NDUFA10: variants seen among roughly 807,000 people sequenced by gnomAD.
NDUFA10 encodes NADH dehydrogenase [ubiquinone] 1 alpha subcomplex subunit 10, mitochondrial.
In NDUFA10, 40 loss-of-function variants were observed where a neutral mutation model predicts 47.8. The observed-to-expected ratio is 0.84, with a 90% CI of 0.65 to 1.09. The LOEUF is 1.09. Ranked by LOEUF, NDUFA10 falls within the 50% of genes least tolerant of loss-of-function variation. NDUFA10 has a pLI of 0.00. For synonymous variants in NDUFA10, 183 were observed against 172.2 expected, an observed-to-expected ratio of 1.06 and a Z score of -0.49; for missense variants, 413 against 451.1, an observed-to-expected ratio of 0.92 and a Z score of 0.76.
intron 4 of NDUFA10, among the ~76,000 whole-genome samples, chr2:239,951,896 G>A (rs1694560058): frequency 6.6e-6 from 1 of 152,242 alleles, no homozygotes; most frequent in African/African-American, 2.4e-5. Flanking sequence ...AGGAACACGA[G>A]GGCCCTGCTG....
At chr2:239,961,223 C>T (rs1694841728) in intron 9 of NDUFA10, 37 bp from the exon 10 acceptor site, 7 of 1,613,844 alleles carry the variant, frequency 4.3e-6, no homozygotes, top group East Asian at 4.5e-5. Flanking sequence ...TTCTGTTTAA[C>T]GTGAATGAAT....
intron 9 of NDUFA10, among the ~76,000 whole-genome samples, chr2:239,972,147 G>A (rs1429437136): frequency 1.8e-5 from 2 of 114,246 alleles, no homozygotes; most frequent in East Asian, 4.0e-4. Flanking sequence ...ATGTGTGTGT[G>A]TGTGTGTGTG....
chr2:239,898,153 G>T (rs1693434301), intron 4 of NDUFA10, among the ~76,000 whole-genome samples: 1 of 152,202 alleles, frequency 6.6e-6, no homozygotes, highest in African/African-American at 2.4e-5. Flanking sequence ...ATGGAGTCAG[G>T]ACTGTTCAGG....
chr2:239,941,384 A>G (rs1694358767), intron 4 of NDUFA10, among the ~76,000 whole-genome samples: 1 of 152,158 alleles, frequency 6.6e-6, no homozygotes, highest in Non-Finnish European at 1.5e-5. Context: ...GGGGCACAGA[A>G]CTGCGGCTGT....
rs575792582 is a variant in NDUFA10 at position 240,010,716 on chromosome 2, C to T, written c.749+901G>A. Reference sequence around the variant, plus strand: ...TACAGAAAAAACTCCCTGAATAGAACATTTCTCTTATTCACTTTTGATTTT... The same window carrying T: ...TACAGAAAAAACTCCCTGAATAGAATATTTCTCTTATTCACTTTTGATTTT... On this transcript the variant is annotated intron_variant, in intron 6 of 9. Transcript: ENST00000252711. Among the ~76,000 whole-genome samples, 31 of 152,190 alleles carry T rather than the reference C, an allele frequency of 2.0e-4. No individual in the cohort carries two copies. In the South Asian group the frequency reaches 5.8e-3, roughly 28 times the overall value.
intron 4 of NDUFA10, among the ~76,000 whole-genome samples, chr2:239,902,877 C>G (rs910647025): frequency 1.3e-5 from 2 of 151,850 alleles, no homozygotes; most frequent in African/African-American, 4.9e-5. Context: ...GGGGGCTGGG[C>G]TCCTGCTCCC....
intron 8 of NDUFA10, among the ~76,000 whole-genome samples, chr2:239,997,630 GTAC>G (rs1392180669): frequency 6.6e-6 from 1 of 152,164 alleles, no homozygotes; most frequent in Non-Finnish European, 1.5e-5. Flanking sequence ...ACAAGAAGGG[GTAC>G]TACATGCTCT....
chr2:240,024,003 G>A (rs555600002), intron 1 of NDUFA10, among the ~76,000 whole-genome samples: 5 of 152,354 alleles, frequency 3.3e-5, no homozygotes, highest in South Asian at 2.1e-4. Flanking sequence ...TGGCGAGCAC[G>A]CAGAGCAACA....
rs1559303074 is a variant in NDUFA10 at position 239,945,643 on chromosome 2, C to T, written c.294+44431G>A. Among the ~76,000 whole-genome samples, 1 of 152,178 alleles carries T rather than the reference C, an allele frequency of 6.6e-6. No individual in the cohort carries two copies. The highest frequency in any genetic ancestry group is 2.4e-5 in the African/African-American group (1 of 41,442). ...TGAACAGTTTTCTCACGGAATGGATCGATTGGCCCTGGGATGAAAACCAGC... is the reference window on the plus strand; with the variant it reads ...TGAACAGTTTTCTCACGGAATGGATTGATTGGCCCTGGGATGAAAACCAGC... On this transcript the variant is annotated intron_variant, in intron 4 of 5. Transcript: ENST00000419408. The surrounding 1 kb of genome is among the most constrained non-coding windows in gnomAD (Gnocchi z 4.6).
rs189135017 is a variant in NDUFA10, at chr2:240,020,104, G to A, written c.460+1093C>T. Among the ~76,000 whole-genome samples, 108 of 151,470 alleles carry A rather than the reference G, an allele frequency of 7.1e-4. 2 individuals are homozygous for A. Among genetic ancestry groups the A allele is most frequent in the African/African-American group, 2.5e-3 (105 of 41,200 alleles). ...TAGATACGTGTCATGGACACACACT[G>A]CATCCGTGGAGACCTGAAGGAGCAT... On this transcript the variant is annotated intron_variant, in intron 3 of 9. Transcript: ENST00000252711.
At chr2:239,918,734 T>C (rs1295726514) in intron 4 of NDUFA10, among the ~76,000 whole-genome samples, 1 of 152,160 alleles carries the variant, frequency 6.6e-6, no homozygotes, top group Non-Finnish European at 1.5e-5. Context: ...AGAACAAAGA[T>C]GGAAATCCAG....
intron 4 of NDUFA10, among the ~76,000 whole-genome samples, chr2:239,898,955 GTGTGGCA>G (rs1386630055): frequency 5.4e-3 from 619 of 113,906 alleles, no homozygotes; most frequent in Middle Eastern, 9.8e-3. Flanking sequence ...GTGTGGAGGG[GTGTGGCA>G]GGGTGTGATG....
chr2:240,007,230 G>A (rs1190781168), intron 7 of NDUFA10, 86 bp downstream of exon 7: 4 of 994,208 alleles, frequency 4.0e-6, no homozygotes, highest in Non-Finnish European at 6.3e-6. Context: ...AGACCAGTGG[G>A]AATCTAACTG....
chr2:239,898,018 G>A (rs1422571907), intron 4 of NDUFA10, among the ~76,000 whole-genome samples: 1 of 152,208 alleles, frequency 6.6e-6, no homozygotes, highest in Non-Finnish European at 1.5e-5. Context: ...TTTGGTGTCT[G>A]GCTAAGCTGG....
chr2:240,022,435 A>G lies in NDUFA10; in HGVS notation c.76-95T>C, dbSNP rs7596788. On this transcript the variant is annotated intron_variant, in intron 1 of 9. Transcript: ENST00000252711. Reference sequence around the variant, plus strand: ...AGGTAAAAATACCAAGAAACCTCTTAGTGATAAAAATGCCAACATCTACAT... The same window carrying G: ...AGGTAAAAATACCAAGAAACCTCTTGGTGATAAAAATGCCAACATCTACAT... The G allele has an allele frequency of 0.73, 1,146,255 of 1,561,626 alleles. 422,712 individuals are homozygous for G. Among genetic ancestry groups the G allele is most frequent in the African/African-American group, 0.88 (64,360 of 73,460 alleles).
chr2:239,983,525 G>C (rs758685121), intron 9 of NDUFA10: 21 of 1,600,934 alleles, frequency 1.3e-5, no homozygotes, highest in Admixed American at 5.1e-5. Context: ...ACTCAACAAA[G>C]GAACATAAAG....
intron 9 of NDUFA10, among the ~76,000 whole-genome samples, chr2:239,966,853 T>C (rs938904690): frequency 4.2e-4 from 41 of 98,742 alleles, no homozygotes; most frequent in African/African-American, 1.1e-3. Context: ...GATTTCTTTT[T>C]TTTTTTTTTT....
rs1483646643 is a variant in NDUFA10 at position 240,014,790 on chromosome 2, G to A, written c.618C>T (p.Tyr206=). The part of the protein sequence containing the change: ...CDYLPPHLVI[Y]IDVPVPEVQR... ...GGACCTCTGGAACGGGCACATCGAT[G>A]TAAATCACCAGGTGGGGGGGCAGGT... Residue 206 remains tyrosine, a synonymous_variant, in exon 5 of 10, where the codon TAC becomes TAT. Transcript: ENST00000252711. 6.2e-7 allele frequency: 1 copy of A among 1,614,208 alleles called. No homozygotes were observed. The highest frequency in any genetic ancestry group is 8.5e-7 in the Non-Finnish European group (1 of 1,180,026).
chr2:239,939,161 T>A (rs1231535310), intron 4 of NDUFA10, among the ~76,000 whole-genome samples: 14 of 152,206 alleles, frequency 9.2e-5, no homozygotes, highest in Admixed American at 9.2e-4. Context: ...TGCCCGCGTT[T>A]CATGCCCCGG....
Sources: allele counts gnomAD v4.1 joint callset (sites outside exome capture counted in the v4.1 genomes callset), GRCh38; gene constraint gnomAD v4.1.1; non-coding constraint Gnocchi (gnomAD v3.1); transcripts MANE v1.5; gene names NCBI Gene and HGNC (gene_info 2026-07-23, HGNC 2026-07-21).